The following GFRA2 variants were observed in gnomAD, a reference collection of about 807,000 sequenced individuals.
GFRA2 encodes the protein GDNF family receptor alpha 2, also known as GDNF family receptor alpha-2.
Under a neutral mutation model 48.3 loss-of-function variants are expected in GFRA2, and 17 were observed. The observed-to-expected ratio is 0.35, with a 90% CI of 0.24 to 0.53. The LOEUF (loss-of-function observed/expected upper bound fraction) is 0.53, where lower values mean the gene tolerates loss of function less well. Ranked by LOEUF, GFRA2 falls within the 20% of genes least tolerant of loss-of-function variation. The pLI is 0.93. For synonymous variants in GFRA2, 305 were observed against 257.2 expected (o/e 1.19, Z -1.78); for missense variants, 660 against 637.3 (o/e 1.04, Z -0.38).
rs866192898 is a variant in GFRA2, at chr8:21,693,217, C to T, written c.*61G>A. ...TGTGTGTCTGTGTGTGTTTCCATTT[C>T]GTCAGGCGGCTGTTCTTGTCTGCGT... On this transcript the variant is annotated 3_prime_UTR_variant, in exon 9 of 9. Coordinates refer to ENST00000524240, the MANE Select transcript of GFRA2 (RefSeq NM_001495.5). 9.8e-6 allele frequency: 15 copies of T among 1,528,048 alleles called. No individual in the cohort carries two copies. Among genetic ancestry groups the T allele is most frequent in the South Asian group, 2.5e-5 (2 of 80,484 alleles). The allele number at this position is 1,528,048 out of a possible 1,614,324, so 94.7% of individuals were successfully genotyped here.
chr8:21,737,698 G>A (rs1804539729), intron 4 of GFRA2, among the ~76,000 whole-genome samples: 1 of 151,956 alleles, frequency 6.6e-6, no homozygotes. Flanking sequence ...CTCCGCCCAA[G>A]ACAGCCTCCC....
chr8:21,765,125 T>C (rs552917978), intron 3 of GFRA2, among the ~76,000 whole-genome samples: 1 of 152,134 alleles, frequency 6.6e-6, no homozygotes, highest in Non-Finnish European at 1.5e-5. Context: ...TTATTTATTT[T>C]TTTTGAGACA....
intron 4 of GFRA2, among the ~76,000 whole-genome samples, chr8:21,739,980 A>G (rs1188942021): frequency 6.6e-6 from 1 of 152,222 alleles, no homozygotes; most frequent in Non-Finnish European, 1.5e-5. Context: ...AGTTGGTGGC[A>G]GCCATATCGT....
chr8:21,714,870 A>AG (rs1803256759), intron 4 of GFRA2, among the ~76,000 whole-genome samples: 1 of 152,224 alleles, frequency 6.6e-6, no homozygotes, highest in Admixed American at 6.5e-5. Flanking sequence ...TATTTCATGG[A>AG]GGGAAAAAAG....
At chr8:21,711,305 G>C (rs1482708227) in intron 4 of GFRA2, among the ~76,000 whole-genome samples, 1 of 152,160 alleles carries the variant, frequency 6.6e-6, no homozygotes, top group Non-Finnish European at 1.5e-5. Flanking sequence ...GAAGGCATGA[G>C]AGACAGAGAG....
At chr8:21,707,890 C>A (rs7823726) in intron 4 of GFRA2, among the ~76,000 whole-genome samples, 14,529 of 152,230 alleles carry the variant, frequency 0.095, 1,137 homozygotes, top group African/African-American at 0.22. Context: ...TTAAAAGGTA[C>A]TTTCATATCC....
intron 4 of GFRA2, 57 bp from the exon 5 acceptor site, chr8:21,706,098 T>G (rs1387251988): frequency 3.6e-6 from 4 of 1,104,572 alleles, no homozygotes. Flanking sequence ...AGCTGCCTTC[T>G]GTCTCCTCTG....
intron 4 of GFRA2, among the ~76,000 whole-genome samples, chr8:21,741,116 C>T (rs956442428): frequency 2.0e-5 from 3 of 152,314 alleles, no homozygotes; most frequent in South Asian, 2.1e-4. Flanking sequence ...TCACAATGCA[C>T]TGCTTGGCTT....
chr8:21,754,512 T>C (rs1018718633), intron 3 of GFRA2, among the ~76,000 whole-genome samples: 7 of 145,492 alleles, frequency 4.8e-5, no homozygotes, highest in East Asian at 4.0e-4. Context: ...TTTCTTTTTT[T>C]TTTTTTTTTT....
intron 4 of GFRA2, among the ~76,000 whole-genome samples, chr8:21,745,867 C>G (rs1027151302): frequency 1.3e-5 from 2 of 152,182 alleles, no homozygotes; most frequent in Admixed American, 1.3e-4. Context: ...CCTTCAAATA[C>G]CTGCTCCCAC....
intron 2 of GFRA2, 90 bp from the exon 3 acceptor site, chr8:21,775,145 C>G: frequency 1.4e-6 from 1 of 721,382 alleles, no homozygotes; most frequent in Non-Finnish European, 2.5e-6. Context: ...AGCTCTCTAC[C>G]AGGGGAAAGC....
At chr8:21,726,944 G>A (rs530890232) in intron 4 of GFRA2, among the ~76,000 whole-genome samples, 26 of 151,986 alleles carry the variant, frequency 1.7e-4, no homozygotes, top group African/African-American at 4.3e-4. Context: ...TAGAGACTGC[G>A]TTTCACCATG....
At chr8:21,753,917 G>A (rs1170832515) in intron 3 of GFRA2, among the ~76,000 whole-genome samples, 2 of 152,044 alleles carry the variant, frequency 1.3e-5, no homozygotes, top group Admixed American at 6.6e-5. Flanking sequence ...CCTGGAACAC[G>A]CCCATCACGG....
chr8:21,774,169 C>A (rs1196071507), intron 3 of GFRA2, among the ~76,000 whole-genome samples: 1 of 150,458 alleles, frequency 6.6e-6, no homozygotes, highest in Non-Finnish European at 1.5e-5. Context: ...CCACAGAGCA[C>A]TCCCAAGACC....
chr8:21,716,555 G>A (rs1803346723), intron 4 of GFRA2, among the ~76,000 whole-genome samples: 2 of 152,134 alleles, frequency 1.3e-5, no homozygotes, highest in South Asian at 4.1e-4. Context: ...TGAAGTCCTG[G>A]AGATGCTGCC....
intron 4 of GFRA2, among the ~76,000 whole-genome samples, chr8:21,730,222 T>C (rs1804115781): frequency 6.6e-6 from 1 of 151,804 alleles, no homozygotes; most frequent in Admixed American, 6.6e-5. Flanking sequence ...CTGGGCAACA[T>C]GGTAAAACCC....
chr8:21,739,764 G>A lies in GFRA2; in HGVS notation c.794+10824C>T, dbSNP rs374003563. On this transcript the variant is annotated intron_variant, in intron 4 of 8. Coordinates refer to ENST00000524240, the MANE Select transcript of GFRA2 (RefSeq NM_001495.5). ...CAGGACTTCCACTGCAGGAGCCAGG[G>A]GCACCTCTCCAACAGCCCCTGCACT... Among the ~76,000 whole-genome samples the A allele has an allele frequency of 1.2e-4, 19 of 152,250 alleles. No individual in the cohort carries two copies. In the East Asian group the frequency reaches 1.5e-3, roughly 12 times the overall value.
At chr8:21,693,994 C>T (rs1365655568) in intron 8 of GFRA2, among the ~76,000 whole-genome samples, 8 of 143,690 alleles carry the variant, frequency 5.6e-5, no homozygotes, top group African/African-American at 1.0e-4. Flanking sequence ...TATATATATA[C>T]GTCATATACA....
At chr8:21,795,494 G>A (rs983272519) in intron 2 of GFRA2, among the ~76,000 whole-genome samples, 7 of 152,006 alleles carry the variant, frequency 4.6e-5, no homozygotes, top group African/African-American at 1.7e-4. Flanking sequence ...CCAGGTTCAA[G>A]CGATTCTCAT....
Sources: allele counts gnomAD v4.1 joint callset (sites outside exome capture counted in the v4.1 genomes callset), GRCh38; gene constraint gnomAD v4.1.1; transcripts MANE v1.5; gene names NCBI Gene and HGNC (gene_info 2026-07-23, HGNC 2026-07-21).